Variants in FAF1 observed in about 807,000 individuals in gnomAD.
The protein encoded by FAF1 is FAS-associated factor 1.
Under a neutral mutation model 92.5 loss-of-function variants are expected in FAF1, and 25 were observed. The observed-to-expected ratio is 0.27, with a 90% CI of 0.20 to 0.38. The LOEUF (loss-of-function observed/expected upper bound fraction) is 0.38. Ranked by LOEUF, FAF1 falls within the 10% of genes least tolerant of loss-of-function variation. The pLI, the probability that FAF1 is intolerant of heterozygous loss-of-function variation, is 1.00. For synonymous variants in FAF1, 234 were observed against 273.2 expected, an observed-to-expected ratio of 0.86 and a Z score of 1.42; for missense variants, 636 against 793.3, an observed-to-expected ratio of 0.80 and a Z score of 2.38.
chr1:50,613,245 GC>G (rs1159035377), intron 8 of FAF1, among the ~76,000 whole-genome samples: 1 of 152,084 alleles, frequency 6.6e-6, no homozygotes, highest in Non-Finnish European at 1.5e-5. Context: ...TGACATCTGG[GC>G]CTCAGTGAAA....
Position 50,441,141 on chromosome 1 carries a change from A to G in FAF1, c.*299T>C, listed in dbSNP as rs1048641304. ...TGGGCACTGGAGAGGTAAAAATTCT[A>G]TTTAGTGATCACTCACACTTGAACA... On this transcript the variant is annotated 3_prime_UTR_variant, in exon 19 of 19. Coordinates refer to ENST00000396153, the MANE Select transcript of FAF1 (RefSeq NM_007051.3). 1.9e-5 allele frequency: 5 copies of G among 269,722 alleles called. No homozygotes were observed. Among genetic ancestry groups the G allele is most frequent in the African/African-American group, 6.6e-5 (3 of 45,552 alleles). 16.7% of individuals were successfully genotyped at this position (269,722 alleles called of 1,614,324 possible). A position where few individuals can be genotyped will look rare whatever the true frequency, so the allele number is the denominator to read the frequency against.
At chr1:50,814,064 T>C (rs766565387) in intron 2 of FAF1, among the ~76,000 whole-genome samples, 1 of 152,128 alleles carries the variant, frequency 6.6e-6, no homozygotes, top group Non-Finnish European at 1.5e-5. Context: ...AATAATAATA[T>C]AGAACAACTG....
At chr1:50,914,590 A>G (rs1644907390) in intron 1 of FAF1, among the ~76,000 whole-genome samples, 2 of 152,220 alleles carry the variant, frequency 1.3e-5, no homozygotes, top group African/African-American at 2.4e-5. Context: ...AGTTATGCCT[A>G]TTCTGTTATC....
intron 8 of FAF1, among the ~76,000 whole-genome samples, chr1:50,600,205 T>C (rs1446811325): frequency 6.6e-6 from 1 of 152,200 alleles, no homozygotes; most frequent in Non-Finnish European, 1.5e-5. Context: ...CTTGACAGCT[T>C]CTCAATGCTT....
intron 2 of FAF1, among the ~76,000 whole-genome samples, chr1:50,813,972 T>TA (rs1158048036): frequency 1.3e-5 from 2 of 152,184 alleles, no homozygotes; most frequent in East Asian, 1.9e-4. Context: ...CCACACCATA[T>TA]ATATATACTA....
At chr1:50,628,117 G>C (rs995381755) in intron 8 of FAF1, among the ~76,000 whole-genome samples, 3 of 152,052 alleles carry the variant, frequency 2.0e-5, no homozygotes, top group Non-Finnish European at 4.4e-5. Flanking sequence ...GTTTCTGTGT[G>C]TGTGTATGCG....
intron 5 of FAF1, among the ~76,000 whole-genome samples, chr1:50,741,437 A>T (rs1659384626): frequency 6.6e-6 from 1 of 152,232 alleles, no homozygotes; most frequent in African/African-American, 2.4e-5. Flanking sequence ...AGTAGTCTGA[A>T]TTTTATTTGA....
intron 1 of FAF1, among the ~76,000 whole-genome samples, chr1:50,949,580 G>A (rs115233920): frequency 2.7e-4 from 41 of 152,278 alleles, no homozygotes; most frequent in Non-Finnish European, 4.7e-4. Flanking sequence ...AGGCTTTGCA[G>A]GACATGCAGT....
At chr1:50,590,968 C>T (rs1432112247) in intron 9 of FAF1, among the ~76,000 whole-genome samples, 5 of 150,332 alleles carry the variant, frequency 3.3e-5, no homozygotes, top group African/African-American at 7.4e-5. Flanking sequence ...GGCAACAGAG[C>T]GAGACTCTGT....
At chr1:50,605,035 T>C (rs1652312133) in intron 8 of FAF1, among the ~76,000 whole-genome samples, 1 of 152,208 alleles carries the variant, frequency 6.6e-6, no homozygotes, top group Admixed American at 6.5e-5. Context: ...CACATTATAA[T>C]TACCCACTTT....
At chr1:50,569,697 T>C (rs1270841951) in intron 12 of FAF1, among the ~76,000 whole-genome samples, 2 of 152,184 alleles carry the variant, frequency 1.3e-5, no homozygotes, top group Non-Finnish European at 2.9e-5. Context: ...TTAAAATGCC[T>C]ATTTCTCTCA....
intron 15 of FAF1, among the ~76,000 whole-genome samples, chr1:50,498,719 G>A (rs763263438): frequency 1.2e-4 from 18 of 152,046 alleles, no homozygotes; most frequent in African/African-American, 2.9e-4. Context: ...GTGTGGGGGC[G>A]CATGCCTATA....
rs544002423 is a variant in FAF1 at position 50,519,167 on chromosome 1, T to C, written c.1494+16202A>G. On this transcript the variant is annotated intron_variant, in intron 15 of 18. Transcript: ENST00000396153. ...CAGCATGGTGAAACCCTGTCTCTAC[T>C]AAAAATACAAAAATTAGCCAGGTGT... Among the ~76,000 whole-genome samples the C allele has an allele frequency of 2.8e-4, 43 of 151,938 alleles. 1 individual carries two copies. The South Asian group carries it at 5.6e-3, about 20-fold the overall frequency.
chr1:50,767,823 A>G (rs933622578), intron 4 of FAF1, among the ~76,000 whole-genome samples: 2 of 152,200 alleles, frequency 1.3e-5, no homozygotes, highest in African/African-American at 4.8e-5. Context: ...AGGAAAGACC[A>G]TTACTAGACA....
At chr1:50,753,204 C>T (rs80074627) in intron 4 of FAF1, among the ~76,000 whole-genome samples, 26 of 152,292 alleles carry the variant, frequency 1.7e-4, no homozygotes, top group African/African-American at 6.3e-4. Flanking sequence ...CCTAGAGAAC[C>T]ACTAATTTGA....
intron 6 of FAF1, among the ~76,000 whole-genome samples, chr1:50,723,484 C>A (rs969333441): frequency 5.9e-5 from 9 of 151,882 alleles, no homozygotes; most frequent in Admixed American, 5.2e-4. Flanking sequence ...CACAACAGTT[C>A]TACTATGACG....
chr1:50,676,224 T>C (rs1372730819), intron 7 of FAF1, among the ~76,000 whole-genome samples: 1 of 151,486 alleles, frequency 6.6e-6, no homozygotes, highest in African/African-American at 2.4e-5. Context: ...TTGGACAACC[T>C]GGTGAAACCC....
intron 7 of FAF1, among the ~76,000 whole-genome samples, chr1:50,667,871 T>C (rs769110753): frequency 3.3e-5 from 5 of 152,198 alleles, no homozygotes; most frequent in Non-Finnish European, 5.9e-5. Context: ...GAACCATCTT[T>C]ATATTTTGAT....
intron 2 of FAF1, among the ~76,000 whole-genome samples, chr1:50,820,250 C>T (rs1298222547): frequency 6.6e-6 from 1 of 151,970 alleles, no homozygotes; most frequent in South Asian, 2.1e-4. Flanking sequence ...GTCAAGTATT[C>T]GTATTCTGAT....
Sources: allele counts gnomAD v4.1 joint callset (sites outside exome capture counted in the v4.1 genomes callset), GRCh38; gene constraint gnomAD v4.1.1; transcripts MANE v1.5; gene names NCBI Gene and HGNC (gene_info 2026-07-23, HGNC 2026-07-21).